The following STPG2 variants were observed in gnomAD, a reference collection of about 807,000 sequenced individuals.
STPG2 encodes the protein sperm-tail PG-rich repeat-containing protein 2.
STPG2 carries 56 observed loss-of-function variants against 54.2 expected under a neutral mutation model. The observed-to-expected ratio is 1.03, with a 90% CI of 0.83 to 1.29. The LOEUF (loss-of-function observed/expected upper bound fraction) is 1.29. STPG2 is among the 50% of genes most tolerant of loss of function. The pLI, the probability that STPG2 is intolerant of heterozygous loss-of-function variation, is 0.00. For missense variants in STPG2, 596 were observed against 544.9 expected, an observed-to-expected ratio of 1.09 and a Z score of -0.93; for synonymous variants, 200 against 181.8, an observed-to-expected ratio of 1.10 and a Z score of -0.81.
rs368302347 is a variant in STPG2 at position 97,635,539 on chromosome 4, G to C, written c.1321-76422C>G. On this transcript the variant is annotated intron_variant, in intron 10 of 10. Transcript: ENST00000295268. ...CTAAATGCTCCAATTAAAAGACACA[G>C]ACTGGCAAATTGGATAAAGAGTCAA... Among the ~76,000 whole-genome samples, 6 of 151,708 alleles carry C rather than the reference G, an allele frequency of 4.0e-5. No homozygotes were observed. In the East Asian group the frequency reaches 5.8e-4, roughly 15 times the overall value.
intron 8 of STPG2, among the ~76,000 whole-genome samples, chr4:97,847,111 G>T (rs530795345): frequency 1.3e-5 from 2 of 152,068 alleles, no homozygotes; most frequent in East Asian, 1.9e-4. Flanking sequence ...AAATTTATAG[G>T]CTATAAATAT....
intron 7 of STPG2, among the ~76,000 whole-genome samples, chr4:97,956,666 G>A (rs532318852): frequency 2.6e-5 from 4 of 152,292 alleles, no homozygotes; most frequent in Admixed American, 2.6e-4. Context: ...ACCCCCAGTA[G>A]CAGCCCAGAG....
chr4:98,000,143 T>A (rs1325482119), intron 5 of STPG2, among the ~76,000 whole-genome samples: 2 of 152,118 alleles, frequency 1.3e-5, no homozygotes, highest in Non-Finnish European at 2.9e-5. Context: ...CCAGCTAACA[T>A]CTAGATTGAA....
chr4:97,688,459 C>G (rs770073035), intron 10 of STPG2, among the ~76,000 whole-genome samples: 2 of 152,070 alleles, frequency 1.3e-5, no homozygotes, highest in African/African-American at 2.4e-5. Context: ...CTCTGCCTCC[C>G]GGGTTCACAC....
intron 5 of STPG2, among the ~76,000 whole-genome samples, chr4:98,060,534 G>A (rs773284467): frequency 7.2e-5 from 11 of 152,014 alleles, no homozygotes; most frequent in African/African-American, 1.2e-4. Context: ...TCAAACTACC[G>A]AAGACATTAT....
intron 8 of STPG2, among the ~76,000 whole-genome samples, chr4:97,861,317 G>C (rs1001388388): frequency 6.6e-6 from 1 of 152,092 alleles, no homozygotes; most frequent in African/African-American, 2.4e-5. Context: ...AATTAAAATG[G>C]CTTTTATCCT....
chr4:97,865,845 A>T (rs975638963), intron 8 of STPG2, among the ~76,000 whole-genome samples: 4 of 151,942 alleles, frequency 2.6e-5, no homozygotes, highest in African/African-American at 7.2e-5. Flanking sequence ...ACCTTAAAGT[A>T]TAATAAAAAT....
intron 4 of STPG2, among the ~76,000 whole-genome samples, chr4:97,487,349 A>T (rs1168129543): frequency 1.3e-5 from 2 of 151,558 alleles, no homozygotes; most frequent in Admixed American, 1.3e-4. Context: ...GAGGAGATGA[A>T]AATGATCTAT....
At chr4:97,487,530 A>G (rs1730398300) in intron 4 of STPG2, among the ~76,000 whole-genome samples, 1 of 151,624 alleles carries the variant, frequency 6.6e-6, no homozygotes, top group Admixed American at 6.6e-5. Flanking sequence ...ATTATTTCCA[A>G]CACACCATTT....
chr4:97,951,049 T>TA (rs1481757857), intron 7 of STPG2, among the ~76,000 whole-genome samples: 1 of 152,118 alleles, frequency 6.6e-6, no homozygotes, highest in Non-Finnish European at 1.5e-5. Flanking sequence ...CCAGATCAAC[T>TA]AACTGGTTTA....
chr4:97,762,096 G>A (rs1725906126), intron 9 of STPG2, among the ~76,000 whole-genome samples: 1 of 152,090 alleles, frequency 6.6e-6, no homozygotes. Flanking sequence ...TATTTTTGGA[G>A]GTTTTAAAGT....
intron 4 of STPG2, among the ~76,000 whole-genome samples, chr4:97,550,620 C>T (rs894186735): frequency 1.3e-5 from 2 of 152,116 alleles, no homozygotes; most frequent in African/African-American, 2.4e-5. Flanking sequence ...GAATTGGTTC[C>T]TTCCGGTGGG....
At chr4:97,448,454 T>C (rs927871960) in intron 4 of STPG2, among the ~76,000 whole-genome samples, 5 of 151,996 alleles carry the variant, frequency 3.3e-5, no homozygotes, top group African/African-American at 1.2e-4. Context: ...TGATGGGAGG[T>C]AATTGGATCA....
chr4:97,854,473 CAT>C (rs1276685222), intron 8 of STPG2, among the ~76,000 whole-genome samples: 1 of 147,970 alleles, frequency 6.8e-6, no homozygotes, highest in East Asian at 1.9e-4. Context: ...TATAATGTAT[CAT>C]ATATAATATA....
intron 10 of STPG2, among the ~76,000 whole-genome samples, chr4:97,600,499 T>C (rs2148905941): frequency 6.6e-6 from 1 of 152,322 alleles, no homozygotes; most frequent in Admixed American, 6.5e-5. Flanking sequence ...ATGACGTTAA[T>C]GCCTATTTTA....
chr4:97,812,255 A>C (rs998919827), intron 9 of STPG2, among the ~76,000 whole-genome samples: 1 of 152,090 alleles, frequency 6.6e-6, no homozygotes, highest in African/African-American at 2.4e-5. Flanking sequence ...CAATGGCCTA[A>C]GATTCAAAAA....
At chr4:98,116,252 C>CAA (rs11373933) in intron 3 of STPG2, among the ~76,000 whole-genome samples, 11,104 of 146,984 alleles carry the variant, frequency 0.076, 429 homozygotes, top group African/African-American at 0.1. Flanking sequence ...TATTCTGAAA[C>CAA]AAAAAAAAAA....
In STPG2 at chr4:97,716,812, G is replaced by A. The variant is rs777264780; in HGVS notation, c.1205-3998C>T. Among the ~76,000 whole-genome samples, 8 of 151,668 alleles carry A rather than the reference G, an allele frequency of 5.3e-5. No homozygotes were observed. In the East Asian group the frequency reaches 7.9e-4, roughly 15 times the overall value. On this transcript the variant is annotated intron_variant, in intron 9 of 10. Transcript: ENST00000295268. The stretch of plus-strand genomic sequence containing the variant: ...CATGGCACGTGGTGCCTATGGCCAC[G>A]TGCCATGGTGGTGCCTATGAAACAA...
intron 9 of STPG2, among the ~76,000 whole-genome samples, chr4:97,797,261 G>T (rs1439447034): frequency 6.6e-6 from 1 of 152,144 alleles, no homozygotes; most frequent in Non-Finnish European, 1.5e-5. Context: ...TCCCTGTCTT[G>T]TGCCAGTTTT....
Sources: allele counts gnomAD v4.1 joint callset (sites outside exome capture counted in the v4.1 genomes callset), GRCh38; gene constraint gnomAD v4.1.1; transcripts MANE v1.5; gene names NCBI Gene and HGNC (gene_info 2026-07-23, HGNC 2026-07-21).